The following SI variants were observed in gnomAD, a reference collection of about 807,000 sequenced individuals.
The protein encoded by SI is sucrase-isomaltase, intestinal.
Under a neutral mutation model 253.3 loss-of-function variants are expected in SI, and 235 were observed. The observed-to-expected ratio is 0.93, with a 90% CI of 0.83 to 1.03. The LOEUF (loss-of-function observed/expected upper bound fraction) is 1.03, where lower values mean the gene tolerates loss of function less well. Ranked by LOEUF, SI falls within the 50% of genes least tolerant of loss-of-function variation. SI has a pLI of 0.00. For synonymous variants in SI, 819 were observed against 712.0 expected (o/e 1.15, Z -2.39); for missense variants, 2,442 against 2,211.1 (o/e 1.10, Z -2.09).
At chr3:165,065,973 CAATT>C (rs1714227498) in intron 6 of SI, among the ~76,000 whole-genome samples, 1 of 151,708 alleles carries the variant, frequency 6.6e-6, no homozygotes, top group South Asian at 2.1e-4. Context: ...TTTTTATTGA[CAATT>C]AGTCATTGCA....
intron 21 of SI, 24 bp downstream of exon 21, chr3:165,037,876 T>C (rs57544581): frequency 0.12 from 176,555 of 1,480,644 alleles, 11,211 homozygotes; most frequent in South Asian, 0.17. Flanking sequence ...ATTTTAGATT[T>C]CAACTAATGA....
chr3:164,996,433 A>G lies in SI; in HGVS notation c.4692+102T>C, dbSNP rs570582133. The G allele has an allele frequency of 1.0e-5, 8 of 780,978 alleles. 1 individual carries two copies. In the South Asian group the frequency reaches 1.2e-4, roughly 11 times the overall value. 48.4% of individuals were successfully genotyped at this position (780,978 alleles called of 1,614,324 possible). On this transcript the variant is annotated intron_variant, in intron 40 of 47. Transcript: ENST00000264382. ...TCCTCACTACTCCAAAATTATATAT[A>G]ACATCAATAAATATACCAGCTAACC... is the stretch of plus-strand genomic sequence containing the variant.
At chr3:165,024,578 C>T (rs1223610192) in intron 25 of SI, among the ~76,000 whole-genome samples, 2 of 151,068 alleles carry the variant, frequency 1.3e-5, no homozygotes, top group Non-Finnish European at 3.0e-5. Context: ...TACTGTCTGG[C>T]TTCTATCTAA....
chr3:165,071,726 G>A (rs6782776), intron 3 of SI, among the ~76,000 whole-genome samples: 91,092 of 151,774 alleles, frequency 0.6, 27,532 homozygotes, highest in East Asian at 0.81. Flanking sequence ...AAAAGACAGC[G>A]AAGATCTCTT....
At chr3:165,020,531 C>T (rs1276057189) in intron 27 of SI, among the ~76,000 whole-genome samples, 1 of 151,514 alleles carries the variant, frequency 6.6e-6, no homozygotes, top group Admixed American at 6.6e-5. Context: ...GACTTAGCTT[C>T]CCATGCTTTT....
intron 37 of SI, among the ~76,000 whole-genome samples, chr3:165,002,897 G>A (rs1718320876): frequency 6.6e-6 from 1 of 151,708 alleles, no homozygotes; most frequent in African/African-American, 2.4e-5. Flanking sequence ...GCACTGAAAA[G>A]TTTTATGAAC....
intron 15 of SI, among the ~76,000 whole-genome samples, chr3:165,047,337 T>C (rs926720271): frequency 2.0e-5 from 3 of 152,026 alleles, no homozygotes; most frequent in Non-Finnish European, 4.4e-5. Flanking sequence ...AGATGTTACT[T>C]GCTTCTCCTT....
intron 13 of SI, 91 bp from the exon 14 acceptor site, chr3:165,049,966 T>A (rs1252868546): frequency 1.2e-6 from 1 of 825,908 alleles, no homozygotes; most frequent in African/African-American, 1.7e-5. Flanking sequence ...ATGTTTTATA[T>A]AAGATAACCA....
At chr3:165,053,723 A>G (rs941725163) in intron 13 of SI, among the ~76,000 whole-genome samples, 16 of 152,168 alleles carry the variant, frequency 1.1e-4, no homozygotes, top group Admixed American at 3.3e-4. Flanking sequence ...CTCTCTTTCT[A>G]TAACACAATC....
At position 165,019,605 on chromosome 3, in the gene SI, AG is replaced by A. The variant is rs35558903; in HGVS notation, c.3419del (p.Pro1140LeufsTer44). ...GTGGTCATATGTTGGTACCTACACC[AG>A]GGGGTTGGTCTCTTGTGAACATTCC... ...TWGMFTRDQP[P>X]GYKLNSYGFH... On this transcript the variant is annotated frameshift_variant, in exon 28 of 48. Coordinates refer to ENST00000264382, the MANE Select transcript of SI (RefSeq NM_001041.4). LOFTEE classifies it high-confidence loss of function. 2 of 1,612,212 alleles carry A rather than the reference AG, an allele frequency of 1.2e-6. No individual in the cohort carries two copies. Among genetic ancestry groups the A allele is most frequent in the Non-Finnish European group, 8.5e-7 (1 of 1,178,746 alleles).
At chr3:165,078,963 T>G (rs1715178082), upstream of SI, among the ~76,000 whole-genome samples, 1 of 151,512 alleles carries the variant, frequency 6.6e-6, no homozygotes, top group Non-Finnish European at 1.5e-5. Flanking sequence ...GTCTTTGATC[T>G]TAAGGTTGAA....
intron 37 of SI, among the ~76,000 whole-genome samples, chr3:165,004,157 T>G (rs1718390100): frequency 6.6e-6 from 1 of 152,136 alleles, no homozygotes; most frequent in Non-Finnish European, 1.5e-5. Flanking sequence ...TAGGCATTTC[T>G]CAAAAGAAGA....
chr3:165,062,219 A>C (rs562424946), intron 9 of SI, 152 bp downstream of exon 9: 12 of 599,544 alleles, frequency 2.0e-5, no homozygotes, highest in African/African-American at 3.8e-5. Context: ...GAAAAAAAAA[A>C]CACCCAGCTG....
chr3:164,979,316 A>C lies in SI; in HGVS notation c.*46T>G. ...AAAATTGTAAGTGCTGTGAAACTTA[A>C]ATCCTGGTGTTTTTTCCCATTGACA... is the stretch of plus-strand genomic sequence containing the variant. On this transcript the variant is annotated 3_prime_UTR_variant, in exon 48 of 48. Transcript: ENST00000264382. 1 of 1,112,608 alleles carries C rather than the reference A, an allele frequency of 9.0e-7. No homozygotes were observed. Among genetic ancestry groups the C allele is most frequent in the Non-Finnish European group, 1.4e-6 (1 of 726,556 alleles). 68.9% of individuals were successfully genotyped at this position (1,112,608 alleles called of 1,614,324 possible).
chr3:165,014,279 C>G (rs948745406), intron 33 of SI, among the ~76,000 whole-genome samples: 1 of 151,986 alleles, frequency 6.6e-6, no homozygotes, highest in Non-Finnish European at 1.5e-5. Flanking sequence ...GACGGAGTCT[C>G]GCTCTGTCCC....
Position 164,979,337 on chromosome 3 carries a change from T to C in SI, c.*25A>G, listed in dbSNP as rs752438339. On this transcript the variant is annotated 3_prime_UTR_variant, in exon 48 of 48. Transcript: ENST00000264382. ...CTTAAATCCTGGTGTTTTTTCCCAT[T>C]GACAACTAAAATTGATGGTGATCTT... 5 of 1,438,404 alleles carry C rather than the reference T, an allele frequency of 3.5e-6. No homozygotes were observed. The South Asian group carries it at 4.6e-5, about 13-fold the overall frequency. The allele number at this position is 1,438,404 out of a possible 1,614,324, so 89.1% of individuals were successfully genotyped here. A position where few individuals can be genotyped will look rare whatever the true frequency, so the allele number is the denominator to read the frequency against.
chr3:165,017,553 G>T lies in SI; in HGVS notation c.3754C>A (p.Pro1252Thr). The T allele has an allele frequency of 1.2e-6, 2 of 1,611,292 alleles. No individual in the cohort carries two copies. The highest frequency in any genetic ancestry group is 1.7e-6 in the Non-Finnish European group (2 of 1,178,022). The change falls in exon 31 of 48, where the codon CCC becomes ACC. Residue 1252 changes from proline to threonine, a missense_variant. Transcript: ENST00000264382. ...TTTAAAATTGATATACATACATAGG[G>T]GATGTTAGCAGCCACCATAGCGTCA... ...LYDAMVAANIPYDVQYTDIDY... is the reference protein window; with the variant it reads ...LYDAMVAANITYDVQYTDIDY...
intron 3 of SI, among the ~76,000 whole-genome samples, chr3:165,071,860 C>A (rs1004851613): frequency 2.6e-5 from 4 of 152,122 alleles, no homozygotes; most frequent in African/African-American, 9.7e-5. Flanking sequence ...GGACATCTAG[C>A]TTCCAAGACT....
chr3:165,059,734 G>A (rs879165029), intron 10 of SI, among the ~76,000 whole-genome samples, 168 bp downstream of exon 10: 2 of 151,818 alleles, frequency 1.3e-5, no homozygotes, highest in Non-Finnish European at 1.5e-5. Flanking sequence ...ACTTTCAGGA[G>A]GCAAGGGCAT....
Sources: allele counts gnomAD v4.1 joint callset (sites outside exome capture counted in the v4.1 genomes callset), GRCh38; gene constraint gnomAD v4.1.1; transcripts MANE v1.5; gene names NCBI Gene and HGNC (gene_info 2026-07-23, HGNC 2026-07-21).